DHX40: variants seen among roughly 807,000 people sequenced by gnomAD.
The protein encoded by DHX40 is probable ATP-dependent RNA helicase DHX40.
A neutral mutation model predicts 89.6 loss-of-function variants in DHX40; 28 were observed. The ratio of observed to expected loss-of-function variants is 0.31; its 90% confidence interval spans 0.23 to 0.43. DHX40 has a LOEUF of 0.43. Among genes scored for constraint, DHX40 ranks in the 20% least tolerant of loss-of-function variants. The pLI is 1.00. For synonymous variants in DHX40, 226 were observed against 283.6 expected, an observed-to-expected ratio of 0.80 and a Z score of 2.04; for missense variants, 457 against 844.0, an observed-to-expected ratio of 0.54 and a Z score of 5.68.
At chr17:59,572,549 T>G (rs2048825142) in intron 3 of DHX40, among the ~76,000 whole-genome samples, 1 of 152,128 alleles carries the variant, frequency 6.6e-6, no homozygotes, top group Admixed American at 6.6e-5. Context: ...TGGCTAATTT[T>G]TATATGTTTA....
rs764924133 is a variant in DHX40, at chr17:59,607,248, C to T, written c.*76C>T. On this transcript the variant is annotated 3_prime_UTR_variant, in exon 18 of 18. Transcript: ENST00000251241. Reference sequence around the variant, plus strand: ...CTTCTACTTTGCCAGTTATTTCAGACAGCACTACCAAGAGGAGGTGGTCAG... The same window carrying T: ...CTTCTACTTTGCCAGTTATTTCAGATAGCACTACCAAGAGGAGGTGGTCAG... The T allele has an allele frequency of 1.9e-5, 30 of 1,613,754 alleles. No individual in the cohort carries two copies. Among genetic ancestry groups the T allele is most frequent in the Non-Finnish European group, 2.4e-5 (28 of 1,179,962 alleles).
chr17:59,600,345 A>G (rs1040318716), intron 14 of DHX40, among the ~76,000 whole-genome samples: 3 of 152,168 alleles, frequency 2.0e-5, no homozygotes, highest in Admixed American at 1.3e-4. Context: ...AAAAAAAAAA[A>G]TCTTAAAAAT....
At chr17:59,598,370 G>A (rs970958469) in intron 12 of DHX40, among the ~76,000 whole-genome samples, 11 of 152,088 alleles carry the variant, frequency 7.2e-5, no homozygotes, top group African/African-American at 2.7e-4. Flanking sequence ...TTTATGGGTA[G>A]TGTGACTGGG....
rs2030922691 is a variant in DHX40, at chr17:59,607,210, G to A, written c.*38G>A. On this transcript the variant is annotated 3_prime_UTR_variant, in exon 18 of 18. Coordinates refer to ENST00000251241, the MANE Select transcript of DHX40 (RefSeq NM_024612.5). ...TCCAATTCAGGAAGTGGGAAAAGGA[G>A]CCAGGAAATGTGCTTCTACTTTGCC... 6 of 1,614,054 alleles carry A rather than the reference G, an allele frequency of 3.7e-6. No individual in the cohort carries two copies. The highest frequency in any genetic ancestry group is 5.1e-6 in the Non-Finnish European group (6 of 1,180,050).
At chr17:59,600,853 A>ATTT (rs59684239) in intron 14 of DHX40, among the ~76,000 whole-genome samples, 1,472 of 130,804 alleles carry the variant, frequency 0.011, 29 homozygotes, top group African/African-American at 0.038. Flanking sequence ...TCTCAAAAAA[A>ATTT]TTTTTTTTTT....
Position 59,607,359 on chromosome 17 carries a change from A to C in DHX40, c.*187A>C, listed in dbSNP as rs146323913. 2,810 of 1,192,644 alleles carry C rather than the reference A, an allele frequency of 2.4e-3. 45 individuals are homozygous for C. The African/African-American group carries it at 0.035, about 15-fold the overall frequency. The allele number at this position is 1,192,644 out of a possible 1,614,324, so 73.9% of individuals were successfully genotyped here. A position where few individuals can be genotyped will look rare whatever the true frequency, so the allele number is the denominator to read the frequency against. Reference sequence around the variant, plus strand: ...TTCCCATAAATGCAGTTGTCAAAGAAAAGATTTGGTTGCCATAGTCATAAG... The same window carrying C: ...TTCCCATAAATGCAGTTGTCAAAGACAAGATTTGGTTGCCATAGTCATAAG... On this transcript the variant is annotated 3_prime_UTR_variant, in exon 18 of 18. Coordinates refer to ENST00000251241, the MANE Select transcript of DHX40 (RefSeq NM_024612.5).
chr17:59,572,276 G>A (rs184815581), intron 3 of DHX40, among the ~76,000 whole-genome samples: 1 of 152,242 alleles, frequency 6.6e-6, no homozygotes, highest in Non-Finnish European at 1.5e-5. Context: ...TGCCTTCCTA[G>A]TGGTCACTGT....
At chr17:59,595,041 A>C (rs1233775467) in intron 12 of DHX40, among the ~76,000 whole-genome samples, 1 of 151,934 alleles carries the variant, frequency 6.6e-6, no homozygotes. Flanking sequence ...TTGAACACAC[A>C]GGTTTGAACT....
intron 10 of DHX40, among the ~76,000 whole-genome samples, chr17:59,585,702 A>G (rs1240788376): frequency 6.6e-6 from 1 of 150,818 alleles, no homozygotes; most frequent in African/African-American, 2.5e-5. Flanking sequence ...CAGCCTGGGC[A>G]ACAGAGCGAG....
chr17:59,565,710 G>C lies in DHX40; in HGVS notation c.39G>C (p.Arg13Ser). The C allele has an allele frequency of 1.9e-6, 3 of 1,604,136 alleles. No individual in the cohort carries two copies. The highest frequency in any genetic ancestry group is 2.5e-6 in the Non-Finnish European group (3 of 1,179,714). The change falls in exon 1 of 18, where the codon AGG (arginine) becomes AGC (serine). Residue 13 changes from arginine to serine, a missense_variant. Physicochemically the swap from Arg to Ser is moderately radical, Grantham distance 110. This residue lies in a region of DHX40 where 75 missense variants were observed against 76.8 expected (regional missense o/e 0.98). Transcript: ENST00000251241. Reference protein sequence around the residue: ...RFPAVAGRAPRRQEEGERSRD... With the variant: ...RFPAVAGRAPSRQEEGERSRD... ...CCGCAGTCGCGGGCAGGGCGCCAAG[G>C]CGGCAGGAGGAGGGTGAGCGGTCAA...
chr17:59,600,829 G>A (rs2030458516), intron 14 of DHX40, among the ~76,000 whole-genome samples: 2 of 150,176 alleles, frequency 1.3e-5, no homozygotes, highest in South Asian at 4.2e-4. Flanking sequence ...GGGCAACAGA[G>A]CAGCAGCACC....
intron 17 of DHX40, 101 bp from the exon 18 acceptor site, chr17:59,606,932 A>T: frequency 1.8e-6 from 2 of 1,128,884 alleles, no homozygotes; most frequent in Non-Finnish European, 2.5e-6. Context: ...TATTGTTTTT[A>T]CTTTGTTAAC....
chr17:59,577,027 G>A (rs1217890018), intron 7 of DHX40: 4 of 480,574 alleles, frequency 8.3e-6, no homozygotes, highest in East Asian at 4.5e-5. Context: ...GCGCCCCCAC[G>A]CCCTGCTAAT....
chr17:59,603,953 G>C (rs2030692604), intron 15 of DHX40: 1 of 152,156 alleles, frequency 6.6e-6, no homozygotes, highest in Admixed American at 6.5e-5. Context: ...AACTAGCCTT[G>C]ACATCTTTAA....
At position 59,575,401 on chromosome 17, in the gene DHX40, T is replaced by C. The variant is rs2048866738; in HGVS notation, c.903T>C (p.Tyr301=). The change falls in exon 7 of 18, where the codon TAT becomes TAC. Residue 301 remains tyrosine, a synonymous_variant. Coordinates refer to ENST00000251241, the MANE Select transcript of DHX40 (RefSeq NM_024612.5). ...TTCAGATGGCAGAGTCTGTTGATTA[T>C]GATTATGATGTTCAAGATACCACCC... ...LLFQMAESVD[Y]DYDVQDTTLD... is the part of the protein sequence containing the mutation. 4 of 1,612,088 alleles carry C rather than the reference T, an allele frequency of 2.5e-6. No homozygotes were observed. The East Asian group carries it at 8.9e-5, about 36-fold the overall frequency.
At chr17:59,571,127 T>C (rs1386459124) in intron 3 of DHX40, among the ~76,000 whole-genome samples, 2 of 152,124 alleles carry the variant, frequency 1.3e-5, no homozygotes, top group African/African-American at 4.8e-5. Context: ...AAATCGACCA[T>C]TTTACTATTT....
At chr17:59,569,680 C>T (rs935249500) in intron 2 of DHX40, among the ~76,000 whole-genome samples, 5 of 138,522 alleles carry the variant, frequency 3.6e-5, no homozygotes, top group Admixed American at 7.1e-5. Flanking sequence ...AGCAATACTC[C>T]GTCTCAAAAA....
At position 59,605,452 on chromosome 17, in the gene DHX40, G is replaced by A; in HGVS notation, c.1978G>A (p.Glu660Lys). Reference protein sequence around the residue: ...VHIHPSSALHEQETKLEWIIF... With the variant: ...VHIHPSSALHKQETKLEWIIF... Reference sequence around the variant, plus strand: ...AAAGAAATGTTTTGTATAGCTTCATGAACAGGAAACCAAACTTGAATGGAT... The same window carrying A: ...AAAGAAATGTTTTGTATAGCTTCATAAACAGGAAACCAAACTTGAATGGAT... Residue 660 changes from glutamate (E) to lysine (K), a missense_variant, in exon 17 of 18, where the codon GAA becomes AAA. This residue lies in a region of DHX40 where 120 missense variants were observed against 161.7 expected (regional missense o/e 0.74). Coordinates refer to ENST00000251241, the MANE Select transcript of DHX40 (RefSeq NM_024612.5). 6.2e-7 allele frequency: 1 copy of A among 1,611,812 alleles called. No homozygotes were observed. Among genetic ancestry groups the A allele is most frequent in the East Asian group, 2.2e-5 (1 of 44,806 alleles).
intron 12 of DHX40, among the ~76,000 whole-genome samples, chr17:59,588,807 T>C (rs2049038089): frequency 1.3e-5 from 2 of 152,200 alleles, no homozygotes; most frequent in South Asian, 2.1e-4. Context: ...AATTATTTCT[T>C]TCATAGATTG....
Sources: allele counts gnomAD v4.1 joint callset (sites outside exome capture counted in the v4.1 genomes callset), GRCh38; gene constraint gnomAD v4.1.1; regional missense constraint gnomAD v4.1.1; transcripts MANE v1.5; gene names NCBI Gene and HGNC (gene_info 2026-07-23, HGNC 2026-07-21).